Variants in EPM2A observed in about 807,000 individuals in gnomAD.
EPM2A encodes the protein EPM2A glucan phosphatase, laforin.
A neutral mutation model predicts 26.5 loss-of-function variants in EPM2A; 21 were observed. The observed-to-expected ratio is 0.79, with a 90% confidence interval of 0.56 to 1.14. EPM2A has a LOEUF of 1.14. EPM2A is among the 50% of genes most tolerant of loss of function. EPM2A has a pLI of 0.00. For synonymous variants in EPM2A, 217 were observed against 177.6 expected (o/e 1.22, Z -1.76); for missense variants, 458 against 440.8 (o/e 1.04, Z -0.35).
At chr6:145,574,563 GGCATT>G (rs1176195707) in intron 2 of EPM2A, among the ~76,000 whole-genome samples, 1 of 152,180 alleles carries the variant, frequency 6.6e-6, no homozygotes, top group Non-Finnish European at 1.5e-5. Context: ...TATTTCACAA[GGCATT>G]GGTCAAGGGT....
intron 4 of EPM2A, among the ~76,000 whole-genome samples, chr6:145,466,500 C>T (rs1410806368): frequency 6.6e-6 from 1 of 152,020 alleles, no homozygotes; most frequent in Non-Finnish European, 1.5e-5. Context: ...ACAACAGGTG[C>T]TGGAGAGGAT....
At chr6:145,531,423 C>A (rs1780354594) in intron 2 of EPM2A, among the ~76,000 whole-genome samples, 1 of 152,304 alleles carries the variant, frequency 6.6e-6, no homozygotes, top group South Asian at 2.1e-4. Context: ...TTGGCACAAG[C>A]TTCATTTACC....
At chr6:145,583,372 G>A (rs774499658) in intron 2 of EPM2A, among the ~76,000 whole-genome samples, 1 of 152,110 alleles carries the variant, frequency 6.6e-6, no homozygotes, top group Non-Finnish European at 1.5e-5. Context: ...TTTGATTGTG[G>A]TATAAGATGG....
At chr6:145,530,971 C>T (rs1253381078) in intron 2 of EPM2A, among the ~76,000 whole-genome samples, 2 of 152,150 alleles carry the variant, frequency 1.3e-5, no homozygotes. Flanking sequence ...TAAATCTTTC[C>T]TTGATCCCAC....
chr6:145,729,175 T>A (rs962530142), intron 1 of EPM2A, among the ~76,000 whole-genome samples: 2 of 152,192 alleles, frequency 1.3e-5, no homozygotes, highest in African/African-American at 2.4e-5. Context: ...AGAAGTCTGC[T>A]GCAGCAGCAG....
downstream of EPM2A, among the ~76,000 whole-genome samples, chr6:145,498,003 C>T (rs1779842818): frequency 6.6e-6 from 1 of 152,142 alleles, no homozygotes; most frequent in South Asian, 2.1e-4. Flanking sequence ...GGCTGTAGGC[C>T]CCAGTTTGGA....
At chr6:145,389,197 CT>C (rs1357830167) in intron 4 of EPM2A, among the ~76,000 whole-genome samples, 3 of 149,622 alleles carry the variant, frequency 2.0e-5, no homozygotes, top group East Asian at 1.9e-4. Context: ...CATTCATCAT[CT>C]TTTTTTCTTT....
chr6:145,730,496 T>C (rs1193990986), intron 1 of EPM2A, among the ~76,000 whole-genome samples: 2 of 152,222 alleles, frequency 1.3e-5, no homozygotes, highest in Non-Finnish European at 2.9e-5. Context: ...TTTAGGCATA[T>C]AGTCCTGAGC....
Position 145,635,175 on chromosome 6 carries a change from TAGATAGAC to T in EPM2A, c.718+62_718+69del, listed in dbSNP as rs1195281553. ...CATTCATTTTTAAGATATTAAATTA[TAGATAGAC>T]AGACAGACAGCAAGGGTTTCTCTGA... On this transcript the variant is annotated intron_variant, in intron 3 of 3. Coordinates refer to ENST00000367519, the MANE Select transcript of EPM2A (RefSeq NM_005670.4). The T allele has an allele frequency of 6.4e-6, 10 of 1,561,868 alleles. No homozygotes were observed. In the African/African-American group the frequency reaches 1.2e-4, roughly 19 times the overall value.
intron 1 of EPM2A, among the ~76,000 whole-genome samples, chr6:145,718,950 A>G (rs1164529474): frequency 6.6e-6 from 1 of 152,204 alleles, no homozygotes; most frequent in Non-Finnish European, 1.5e-5. Context: ...CTACAATGGC[A>G]ATCATTAAAA....
chr6:145,627,003 T>C lies in EPM2A; in HGVS notation c.*413A>G. 1.8e-6 allele frequency: 2 copies of C among 1,107,304 alleles called. No individual in the cohort carries two copies. Among genetic ancestry groups the C allele is most frequent in the Non-Finnish European group, 2.2e-6 (2 of 902,996 alleles). The allele number at this position is 1,107,304 out of a possible 1,614,324, so 68.6% of individuals were successfully genotyped here. On this transcript the variant is annotated 3_prime_UTR_variant, in exon 4 of 4. Coordinates refer to ENST00000367519, the MANE Select transcript of EPM2A (RefSeq NM_005670.4). ...AACTGACCAGCTCACGCACACATAC[T>C]AGTGATGAAATCCACATAACTCCAT...
intron 2 of EPM2A, among the ~76,000 whole-genome samples, chr6:145,587,268 T>A (rs1781207949): frequency 6.6e-6 from 1 of 152,196 alleles, no homozygotes; most frequent in Non-Finnish European, 1.5e-5. Context: ...GTTTTTTTAT[T>A]AATTAGAAAA....
chr6:145,735,150 G>A (rs1474680475), intron 1 of EPM2A, 48 bp downstream of exon 1: 4 of 1,402,626 alleles, frequency 2.9e-6, no homozygotes, highest in Admixed American at 2.3e-5. Flanking sequence ...TGGGGGTGCG[G>A]GCCGGAGCTC....
intron 1 of EPM2A, among the ~76,000 whole-genome samples, chr6:145,706,537 G>T (rs914605996): frequency 6.6e-6 from 1 of 152,098 alleles, no homozygotes; most frequent in African/African-American, 2.4e-5. Flanking sequence ...AAGCTCTAAC[G>T]AAAGCCTTTA....
At chr6:145,412,674 G>C (rs1228067940) in intron 4 of EPM2A, among the ~76,000 whole-genome samples, 10 of 152,172 alleles carry the variant, frequency 6.6e-5, no homozygotes, top group Admixed American at 5.9e-4. Flanking sequence ...CTGAGGGATT[G>C]AACAAGTGGA....
intron 1 of EPM2A, among the ~76,000 whole-genome samples, chr6:145,715,931 C>T (rs1775591748): frequency 6.6e-6 from 1 of 152,128 alleles, no homozygotes; most frequent in Non-Finnish European, 1.5e-5. Flanking sequence ...ACAAAGTACA[C>T]AATAAATGTA....
intron 2 of EPM2A, among the ~76,000 whole-genome samples, chr6:145,504,277 C>CAAA (rs1317261021): frequency 9.0e-6 from 1 of 111,062 alleles, no homozygotes; most frequent in Non-Finnish European, 1.9e-5. Context: ...TTCTGCATAG[C>CAAA]AAAAGAAACT....
chr6:145,491,149 T>G, intron 4 of EPM2A: 1 of 545,510 alleles, frequency 1.8e-6, no homozygotes, highest in Middle Eastern at 3.1e-4. Flanking sequence ...TGGAGCTGAG[T>G]TTTCTTTGTT....
intron 3 of EPM2A, 84 bp from the exon 4 acceptor site, chr6:145,627,777 A>G (rs1775938633): frequency 6.4e-7 from 1 of 1,563,536 alleles, no homozygotes; most frequent in Non-Finnish European, 8.6e-7. Context: ...ACAGCCTGAA[A>G]TCACAGGGCT....
Sources: allele counts gnomAD v4.1 joint callset (sites outside exome capture counted in the v4.1 genomes callset), GRCh38; gene constraint gnomAD v4.1.1; transcripts MANE v1.5; gene names NCBI Gene and HGNC (gene_info 2026-07-23, HGNC 2026-07-21).